NADSYN1: variants seen among roughly 807,000 people sequenced by gnomAD.
NADSYN1 encodes glutamine-dependent NAD(+) synthetase.
NADSYN1 carries 80 observed loss-of-function variants against 99.3 expected under a neutral mutation model. The ratio of observed to expected loss-of-function variants is 0.81; its 90% CI spans 0.67 to 0.97. The LOEUF is 0.97. NADSYN1 is among the 50% of genes least tolerant of loss of function. NADSYN1 has a pLI of 0.00. For synonymous variants in NADSYN1, 385 were observed against 372.1 expected (o/e 1.03, Z -0.40); for missense variants, 859 against 948.5 (o/e 0.91, Z 1.24).
At chr11:71,495,821 G>A (rs1949815124) in intron 18 of NADSYN1, among the ~76,000 whole-genome samples, 6 of 152,222 alleles carry the variant, frequency 3.9e-5, no homozygotes, top group Admixed American at 3.9e-4. Flanking sequence ...AAGGCCCAGC[G>A]GTGGCTCTGG....
Position 71,483,764 on chromosome 11 carries a change from C to A in NADSYN1, c.1320-548C>A, listed in dbSNP as rs1949724639. On this transcript the variant is annotated intron_variant, in intron 14 of 20. Coordinates refer to ENST00000319023, the MANE Select transcript of NADSYN1 (RefSeq NM_018161.5). ...GGAAAGTCCATAGCAGCACCATTCA[C>A]AGAAGCCAAGAGGCAGGGACAACCC... Among the ~76,000 whole-genome samples, 3 of 152,208 alleles carry A rather than the reference C, an allele frequency of 2.0e-5. No homozygotes were observed. In the South Asian group the frequency reaches 6.2e-4, roughly 32 times the overall value.
At position 71,464,107 on chromosome 11, in the gene NADSYN1, C is replaced by A; in HGVS notation, c.372C>A (p.Arg124=). The change falls in exon 5 of 21, where the codon CGC becomes CGA. Residue 124 remains arginine (R), a synonymous_variant. Coordinates refer to ENST00000319023, the MANE Select transcript of NADSYN1 (RefSeq NM_018161.5). ...CCTTGGCCAATGAAGGCAACTACCG[C>A]GAGCTGCGCTGGTTCACCCCGTGGT... The part of the protein sequence containing the change: ...KMALANEGNY[R]ELRWFTPWSR... 3 of 1,612,190 alleles carry A rather than the reference C, an allele frequency of 1.9e-6. No individual in the cohort carries two copies. Among genetic ancestry groups the A allele is most frequent in the Non-Finnish European group, 2.5e-6 (3 of 1,179,286 alleles).
chr11:71,481,770 G>T (rs3814733), intron 12 of NADSYN1, 153 bp from the exon 13 acceptor site: 4 of 637,940 alleles, frequency 6.3e-6, no homozygotes, highest in Admixed American at 5.8e-5. Context: ...ATCCTGCCAC[G>T]TGCGGGTATT....
chr11:71,473,758 C>T, intron 8 of NADSYN1, 72 bp downstream of exon 8: 2 of 1,090,472 alleles, frequency 1.8e-6, no homozygotes, highest in Non-Finnish European at 2.8e-6. Context: ...ATCCTCAGTG[C>T]CCATCGCAGG....
chr11:71,482,609 T>A (rs886313847), intron 13 of NADSYN1: 10 of 162,178 alleles, frequency 6.2e-5, no homozygotes, highest in Admixed American at 1.2e-4. Flanking sequence ...CGGGGTGGAG[T>A]CACACGGGCA....
At chr11:71,463,535 C>T in intron 4 of NADSYN1, 50 bp downstream of exon 4, 1 of 1,565,450 alleles carries the variant, frequency 6.4e-7, no homozygotes, top group Non-Finnish European at 8.8e-7. Context: ...CTCTCCCTGG[C>T]TCTCAGCTGA....
chr11:71,485,658 G>A lies in NADSYN1; in HGVS notation c.1562+10G>A, dbSNP rs1949737508. 1 of 1,547,602 alleles carries A rather than the reference G, an allele frequency of 6.5e-7. No homozygotes were observed. On this transcript the variant is annotated intron_variant, in intron 16 of 20. Coordinates refer to ENST00000319023, the MANE Select transcript of NADSYN1 (RefSeq NM_018161.5). ...CCAACGTGGATGAGAGGTGAGTGTG[G>A]CCCAGTGGCACGTGGTGGTGGGCCC... is the stretch of plus-strand genomic sequence containing the variant.
intron 16 of NADSYN1, 121 bp downstream of exon 16, chr11:71,485,769 C>T: frequency 1.4e-6 from 1 of 706,252 alleles, no homozygotes; most frequent in Non-Finnish European, 2.3e-6. Context: ...CCTGGAATGA[C>T]ATCATTCCTC....
In NADSYN1 at chr11:71,497,475, G is replaced by A. The variant is rs1949827656; in HGVS notation, c.1765-8G>A. 6.2e-7 allele frequency: 1 copy of A among 1,613,860 alleles called. No individual in the cohort carries two copies. The highest frequency in any genetic ancestry group is 1.3e-5 in the African/African-American group (1 of 74,886). On this transcript the variant is annotated splice_polypyrimidine_tract_variant and splice_region_variant and intron_variant, in intron 18 of 20. Transcript: ENST00000319023. ...TGTCATCATGGAACAGATTTTTGTT[G>A]TGCACAGGAAGATATGGGGATGACA...
intron 15 of NADSYN1, chr11:71,484,727 G>A (rs972010002): frequency 2.8e-5 from 12 of 422,952 alleles, no homozygotes; most frequent in Admixed American, 1.8e-4. Context: ...GTGCGTGCTC[G>A]AGTGTGTGCA....
intron 19 of NADSYN1, among the ~76,000 whole-genome samples, chr11:71,497,830 G>T (rs1239038992): frequency 6.7e-6 from 1 of 150,104 alleles, no homozygotes; most frequent in East Asian, 1.9e-4. Context: ...AGGTAAACAC[G>T]ACATGAAACA....
chr11:71,483,603 C>G (rs952434130), intron 14 of NADSYN1, among the ~76,000 whole-genome samples: 2 of 152,146 alleles, frequency 1.3e-5, no homozygotes, highest in African/African-American at 4.8e-5. Context: ...CATAATGGCT[C>G]CTAGGAGAAA....
At chr11:71,474,871 G>A (rs1460114510) in intron 9 of NADSYN1, 8 of 363,400 alleles carry the variant, frequency 2.2e-5, no homozygotes, top group African/African-American at 6.4e-5. Context: ...GCTGAACCCC[G>A]ACACACAGCA....
chr11:71,494,240 A>G (rs1053025664), intron 18 of NADSYN1, among the ~76,000 whole-genome samples: 1 of 152,014 alleles, frequency 6.6e-6, no homozygotes, highest in African/African-American at 2.4e-5. Context: ...CAGGTGTCCC[A>G]TCTTTTACCC....
chr11:71,458,632 T>G (rs1949528942), intron 3 of NADSYN1, 88 bp downstream of exon 3: 2 of 919,280 alleles, frequency 2.2e-6, no homozygotes, highest in Non-Finnish European at 3.6e-6. Flanking sequence ...CCATCCAGGG[T>G]GTGGAACATC....
intron 9 of NADSYN1, chr11:71,476,878 T>C: frequency 1.0e-6 from 1 of 986,708 alleles, no homozygotes; most frequent in South Asian, 4.7e-5. Context: ...ACCAGGCAGT[T>C]GTTTCGTGCA....
intron 2 of NADSYN1, 146 bp downstream of exon 2, chr11:71,455,316 GAACAC>G: frequency 1.6e-6 from 1 of 637,482 alleles, no homozygotes; most frequent in Non-Finnish European, 2.7e-6. Flanking sequence ...TAATGCCATT[GAACAC>G]CTGAGCAAGG....
intron 15 of NADSYN1, 100 bp downstream of exon 15, chr11:71,484,547 T>G: frequency 6.9e-7 from 1 of 1,446,854 alleles, no homozygotes; most frequent in Non-Finnish European, 9.2e-7. Flanking sequence ...GGCCATCGTC[T>G]CCATGAAGCT....
rs746937351 is a variant in NADSYN1 at position 71,473,684 on chromosome 11, A to G, written c.664A>G (p.Lys222Glu). 3 of 1,609,154 alleles carry G rather than the reference A, an allele frequency of 1.9e-6. No homozygotes were observed. The highest frequency in any genetic ancestry group is 1.1e-5 in the South Asian group (1 of 90,934). The change falls in exon 8 of 21, where the codon AAG becomes GAG. Residue 222 changes from lysine to glutamate, a missense_variant and splice_region_variant. Transcript: ENST00000319023. The part of the protein sequence containing the change: ...RVDLVTMVTS[K>E]NGGIYLLANQ... The stretch of plus-strand genomic sequence containing the variant: ...GGATCTCGTGACTATGGTCACCAGC[A>G]AGGTAGGGGCTGGGCCAGGGAGCGT...
Sources: gnomAD v4.1 joint callset for allele counts (sites outside exome capture counted in the v4.1 genomes callset) on GRCh38, gnomAD v4.1.1 for gene constraint, MANE v1.5 for transcripts, NCBI Gene and HGNC (gene_info 2026-07-23, HGNC 2026-07-21) for gene names.